The following ZNF142 variants were observed in gnomAD, a reference collection of about 807,000 sequenced individuals.
ZNF142 encodes the protein zinc finger protein 142, also known as zinc finger protein 142 (clone pHZ-49).
A neutral mutation model predicts 132.1 loss-of-function variants in ZNF142; 96 were observed. That is an observed-to-expected ratio of 0.73 (90% confidence interval 0.62 to 0.86). The LOEUF (loss-of-function observed/expected upper bound fraction) is 0.86. Ranked by LOEUF, ZNF142 falls within the 40% of genes least tolerant of loss-of-function variation. ZNF142 has a pLI of 0.00. For missense variants in ZNF142, 2,163 were observed against 2,336.2 expected (o/e 0.93, Z 1.53); for synonymous variants, 842 against 890.1 (o/e 0.95, Z 0.96).
At chr2:218,646,403 T>C (rs1423457130) in intron 7 of ZNF142, 55 bp from the exon 8 acceptor site, 8 of 1,582,528 alleles carry the variant, frequency 5.1e-6, no homozygotes, top group African/African-American at 1.3e-5. Flanking sequence ...ACAGATCAAG[T>C]GGACAGACCA....
intron 9 of ZNF142, among the ~76,000 whole-genome samples, chr2:218,641,760 C>T (rs1054413427): frequency 2.0e-5 from 3 of 152,074 alleles, no homozygotes; most frequent in African/African-American, 7.2e-5. Context: ...TGGTCTTCAA[C>T]TCTTGGCTTC....
chr2:218,654,502 G>T (rs181170043), intron 4 of ZNF142, among the ~76,000 whole-genome samples: 62 of 152,030 alleles, frequency 4.1e-4, no homozygotes, highest in African/African-American at 1.4e-3. Context: ...GAGTAGCTGG[G>T]ATTACAGGTG....
At chr2:218,640,831 ATTATCCAGG>A in intron 9 of ZNF142, 62 bp from the exon 10 acceptor site, 1 of 1,342,774 alleles carries the variant, frequency 7.4e-7, no homozygotes, top group African/African-American at 1.4e-5. Context: ...GTTAGCTGTT[ATTATCCAGG>A]TTATTCTTGC....
At chr2:218,645,644 T>C (rs1697667377) in intron 8 of ZNF142, among the ~76,000 whole-genome samples, 1 of 152,188 alleles carries the variant, frequency 6.6e-6, no homozygotes, top group Non-Finnish European at 1.5e-5. Context: ...CTATACTCCC[T>C]TCCCAGAGCC....
intron 10 of ZNF142, among the ~76,000 whole-genome samples, chr2:218,640,061 CAAAAAAAAAA>C (rs35136548): frequency 4.1e-4 from 18 of 44,316 alleles, no homozygotes; most frequent in South Asian, 1.7e-3. Flanking sequence ...GACTCTGTCT[CAAAAAAAAAA>C]AAAAAAAAAA....
intron 6 of ZNF142, 117 bp downstream of exon 6, chr2:218,650,242 C>T: frequency 7.9e-7 from 1 of 1,272,748 alleles, no homozygotes; most frequent in Non-Finnish European, 1.1e-6. Flanking sequence ...CAAGGTAGAA[C>T]AGAATAAAAG....
In ZNF142 at chr2:218,636,286, G is replaced by A. The variant is rs766706010; in HGVS notation, c.*2053C>T. 6.2e-7 allele frequency: 1 copy of A among 1,614,024 alleles called. No individual in the cohort carries two copies. The highest frequency in any genetic ancestry group is 1.1e-5 in the South Asian group (1 of 91,080). ...GGCAGACACTATGTTTCCGGGTGCT[G>A]GTGCCTGAACTTGCCATGCTGCGTT... On this transcript the variant is annotated 3_prime_UTR_variant, in exon 11 of 11. Coordinates refer to ENST00000411696, the MANE Select transcript of ZNF142 (RefSeq NM_001379659.1).
In ZNF142 at chr2:218,650,444, C is replaced by G. The variant is rs756141615; in HGVS notation, c.963G>C (p.Glu321Asp). The change falls in exon 6 of 11, where the codon GAG (glutamate) becomes GAC (aspartate). Residue 321 changes from glutamate (E) to aspartate (D), a missense_variant. Coordinates refer to ENST00000411696, the MANE Select transcript of ZNF142 (RefSeq NM_001379659.1). ...CACTCTTCTCTTCTTTCTCTACATT[C>G]TCCTCTTCAGCTGTCTCCTGCCCAG... ...PLPGQETAEE[E>D]NVEKEEKSDT... 5 of 1,614,062 alleles carry G rather than the reference C, an allele frequency of 3.1e-6. No individual in the cohort carries two copies. In the South Asian group the frequency reaches 5.5e-5, roughly 18 times the overall value.
rs1447313633 is a variant in ZNF142, at chr2:218,649,089, CTT to C, written c.1417_1418del (p.Lys473GlufsTer32). 2.5e-6 allele frequency: 4 copies of C among 1,613,996 alleles called. No individual in the cohort carries two copies. The highest frequency in any genetic ancestry group is 3.4e-6 in the Non-Finnish European group (4 of 1,180,050). ...CTGCTGCGGCTGCTGCCGTGTGGCT[CTT>C]GAGGTGCTCCTTTAGGGCCTGGCTG... is the stretch of plus-strand genomic sequence containing the variant. Reference protein sequence around the residue: ...RLSQALKEHLKSHTAAAAAEP... With the variant: ...RLSQALKEHLXSHTAAAAAEP... On this transcript the variant is annotated frameshift_variant, in exon 7 of 11. Transcript: ENST00000411696. LOFTEE classifies it high-confidence loss of function.
chr2:218,655,748 C>A (rs540891085), intron 4 of ZNF142, among the ~76,000 whole-genome samples: 36 of 152,282 alleles, frequency 2.4e-4, no homozygotes, highest in Non-Finnish European at 4.3e-4. Context: ...TTCTGGAAAG[C>A]CCTGCCAAGC....
intron 5 of ZNF142, among the ~76,000 whole-genome samples, chr2:218,650,987 CTTTT>C (rs5838705): frequency 1.1e-4 from 15 of 137,594 alleles, no homozygotes; most frequent in East Asian, 2.2e-4. Context: ...TTCTTTACTT[CTTTT>C]TTTTTTTTTT....
At chr2:218,639,889 T>A (rs1289785517) in intron 10 of ZNF142, among the ~76,000 whole-genome samples, 7 of 149,602 alleles carry the variant, frequency 4.7e-5, no homozygotes, top group Admixed American at 2.0e-4. Context: ...CCCCCATCTC[T>A]ACTAAAAATA....
rs551702536 is a variant in ZNF142 at position 218,651,465 on chromosome 2, C to A, written c.880+236G>T. Among the ~76,000 whole-genome samples the A allele has an allele frequency of 2.0e-5, 3 of 152,352 alleles. No individual in the cohort carries two copies. In the East Asian group the frequency reaches 5.8e-4, roughly 29 times the overall value. ...ATTGGTTAAGTAACTTCAGGCCACA[C>A]GTAGCCTAAGCCAACTTTCACTCAT... On this transcript the variant is annotated intron_variant, in intron 5 of 10. Transcript: ENST00000411696.
Position 218,643,637 on chromosome 2 carries a change from G to C in ZNF142, c.3479C>G (p.Ser1160Cys), listed in dbSNP as rs202045494. 7.7e-6 allele frequency: 12 copies of C among 1,551,870 alleles called. No individual in the cohort carries two copies. In the Admixed American group the frequency reaches 1.4e-4, roughly 18 times the overall value. Reference protein sequence around the residue: ...EETEEPLATVSGSPVPPAGNS... With the variant: ...EETEEPLATVCGSPVPPAGNS... ...TCCTGCAGGAGGGACTGGGGAACCA[G>C]AGACTGTGGCAAGAGGCTCTTCTGT... Residue 1160 changes from serine (S) to cysteine (C), a missense_variant, in exon 9 of 11, where the codon TCT (serine) becomes TGT (cysteine). Transcript: ENST00000411696.
chr2:218,655,702 T>C (rs1938420255), intron 4 of ZNF142, among the ~76,000 whole-genome samples: 1 of 152,158 alleles, frequency 6.6e-6, no homozygotes. Context: ...AAGTATGTTA[T>C]ACACAAAAAA....
At chr2:218,645,191 C>A in intron 8 of ZNF142, 127 bp from the exon 9 acceptor site, 1 of 1,146,970 alleles carries the variant, frequency 8.7e-7, no homozygotes, top group East Asian at 2.5e-5. Context: ...TGATGTAACC[C>A]TCCTTTTCAC....
At position 218,646,340 on chromosome 2, in the gene ZNF142, G is replaced by A. The variant is rs1291404336; in HGVS notation, c.1882C>T (p.Pro628Ser). The change falls in exon 8 of 11, where the codon CCC becomes TCC. Residue 628 changes from proline to serine, a missense_variant. This residue lies in a region of ZNF142 where 749 missense variants were observed against 830.3 expected (regional missense o/e 0.90). Transcript: ENST00000411696. The part of the protein sequence containing the change: ...RHMLLHTGEK[P>S]HKCELCDFTC... ...AAGTCACACAGCTCACACTTGTGGG[G>A]CTTCTCACCTTATATGGGGGATGCG... 1 of 1,614,106 alleles carries A rather than the reference G, an allele frequency of 6.2e-7. No individual in the cohort carries two copies. Among genetic ancestry groups the A allele is most frequent in the South Asian group, 1.1e-5 (1 of 91,076 alleles).
rs374476436 is a variant in ZNF142, at chr2:218,644,057, A to G, written c.3059T>C (p.Leu1020Pro). The change falls in exon 9 of 11, where the codon CTA (leucine) becomes CCA (proline). Residue 1020 changes from leucine to proline, a missense_variant. Transcript: ENST00000411696. This position sits in a 1 kb window ranked among gnomAD's most constrained non-coding sequence, Gnocchi z 4.6. ...CACTACCATCTGCACCCGCCCCTCTAGCACCAATGCCTCTGCTTGTTCTTT... is the reference window on the plus strand; with the variant it reads ...CACTACCATCTGCACCCGCCCCTCTGGCACCAATGCCTCTGCTTGTTCTTT... ...QDKEQAEALVLEGRVQMVVIQ... is the reference protein window; with the variant it reads ...QDKEQAEALVPEGRVQMVVIQ... The G allele has an allele frequency of 6.8e-6, 11 of 1,613,936 alleles. No individual in the cohort carries two copies. Among genetic ancestry groups the G allele is most frequent in the Non-Finnish European group, 9.3e-6 (11 of 1,179,996 alleles).
chr2:218,649,333 T>A lies in ZNF142; in HGVS notation c.1175A>T (p.Gln392Leu). 1 of 1,614,232 alleles carries A rather than the reference T, an allele frequency of 6.2e-7. No homozygotes were observed. Among genetic ancestry groups the A allele is most frequent in the Non-Finnish European group, 8.5e-7 (1 of 1,180,044 alleles). Residue 392 changes from glutamine (Q) to leucine (L), a missense_variant, in exon 7 of 11, where the codon CAG (glutamine) becomes CTG (leucine). Gln to Leu is a moderately radical substitution (Grantham distance 113). This residue lies in a region of ZNF142 where 749 missense variants were observed against 830.3 expected (regional missense o/e 0.90). Coordinates refer to ENST00000411696, the MANE Select transcript of ZNF142 (RefSeq NM_001379659.1). ...GAAGAACTTCTGGCAGTTAGGGCAC[T>A]GGAGGCTGGGGTCTGGGAAGTGGAG... ...LHLHFPDPSL[Q>L]CPNCQKFFTS... is the part of the protein sequence containing the mutation.
Sources: allele counts gnomAD v4.1 joint callset (sites outside exome capture counted in the v4.1 genomes callset), GRCh38; gene constraint gnomAD v4.1.1; regional missense constraint gnomAD v4.1.1; non-coding constraint Gnocchi (gnomAD v3.1); transcripts MANE v1.5; gene names NCBI Gene and HGNC (gene_info 2026-07-23, HGNC 2026-07-21).